STX8: variants seen among roughly 807,000 people sequenced by gnomAD.
STX8 encodes the protein syntaxin 8.
STX8 carries 23 observed loss-of-function variants against 37.5 expected under a neutral mutation model. The ratio of observed to expected loss-of-function variants is 0.61; its 90% confidence interval spans 0.44 to 0.87. The LOEUF is 0.87. Among genes scored for constraint, STX8 ranks in the 40% least tolerant of loss-of-function variants. The probability of loss-of-function intolerance (pLI) is 0.00; values close to 1 mark genes in which losing one functional copy is unlikely to be tolerated. For missense variants in STX8, 313 were observed against 284.7 expected, an observed-to-expected ratio of 1.10 and a Z score of -0.71; for synonymous variants, 115 against 99.1, an observed-to-expected ratio of 1.16 and a Z score of -0.95.
chr17:9,436,228 C>T (rs1407777992), intron 6 of STX8, among the ~76,000 whole-genome samples: 1 of 151,758 alleles, frequency 6.6e-6, no homozygotes, highest in African/African-American at 2.4e-5. Context: ...GCCTGTAGTC[C>T]CAGCTACTTG....
intron 7 of STX8, among the ~76,000 whole-genome samples, chr17:9,324,126 TCACACACACA>T (rs35942102): frequency 8.8e-4 from 120 of 135,600 alleles, no homozygotes; most frequent in Middle Eastern, 3.6e-3. Context: ...TCTCTCTCTC[TCACACACACA>T]CACACACACA....
At chr17:9,283,941 T>A (rs1031994368) in intron 7 of STX8, among the ~76,000 whole-genome samples, 1 of 152,226 alleles carries the variant, frequency 6.6e-6, no homozygotes, top group Non-Finnish European at 1.5e-5. Context: ...GTGGTGTATT[T>A]CCTCGGGAGA....
At chr17:9,320,567 C>G (rs1909542925) in intron 7 of STX8, among the ~76,000 whole-genome samples, 1 of 151,758 alleles carries the variant, frequency 6.6e-6, no homozygotes, top group East Asian at 1.9e-4. Context: ...TGGCTCTTAA[C>G]TTCTGGAACC....
intron 7 of STX8, among the ~76,000 whole-genome samples, chr17:9,253,250 CTT>C (rs1252984378): frequency 1.4e-5 from 1 of 69,600 alleles, no homozygotes; most frequent in Non-Finnish European, 3.8e-5. Flanking sequence ...GTGTGAATAT[CTT>C]AGTCCATCTG....
intron 7 of STX8, chr17:9,378,192 A>G (rs189592646): frequency 5.9e-5 from 11 of 186,412 alleles, no homozygotes; most frequent in Admixed American, 3.4e-4. Context: ...TTTGAACTCA[A>G]TTAAGCTTGT....
chr17:9,371,464 GC>G (rs1911399057), intron 7 of STX8, among the ~76,000 whole-genome samples: 1 of 152,126 alleles, frequency 6.6e-6, no homozygotes, highest in African/African-American at 2.4e-5. Context: ...ATATAAAACA[GC>G]CAATGTGGCT....
chr17:9,368,201 A>G (rs1408739422), intron 7 of STX8, among the ~76,000 whole-genome samples: 1 of 152,166 alleles, frequency 6.6e-6, no homozygotes, highest in Admixed American at 6.5e-5. Context: ...TATTCTGAAG[A>G]CATAGAAAGA....
intron 7 of STX8, among the ~76,000 whole-genome samples, chr17:9,314,112 C>T (rs561588758): frequency 2.0e-5 from 3 of 152,162 alleles, no homozygotes; most frequent in Non-Finnish European, 4.4e-5. Flanking sequence ...GATCTACTGA[C>T]TTCTGTATTT....
intron 6 of STX8, among the ~76,000 whole-genome samples, chr17:9,401,561 G>A (rs1056700069): frequency 5.3e-5 from 8 of 152,164 alleles, no homozygotes; most frequent in South Asian, 2.1e-4. Context: ...AGGAGAAGAC[G>A]GGTCTCTGGA....
chr17:9,309,174 T>C (rs1597596791), intron 7 of STX8, among the ~76,000 whole-genome samples: 1 of 152,284 alleles, frequency 6.6e-6, no homozygotes, highest in East Asian at 1.9e-4. Context: ...GCAAAACTGT[T>C]AGTCCTATCT....
intron 4 of STX8, among the ~76,000 whole-genome samples, chr17:9,519,301 T>G (rs16958408): frequency 0.55 from 83,208 of 151,984 alleles, 24,388 homozygotes; most frequent in East Asian, 0.82. Context: ...ATAAGCTGCT[T>G]CTTCTCGTAC....
At chr17:9,433,351 C>T (rs1445083857) in intron 6 of STX8, among the ~76,000 whole-genome samples, 1 of 152,198 alleles carries the variant, frequency 6.6e-6, no homozygotes, top group African/African-American at 2.4e-5. Context: ...ATAGCTTTGT[C>T]GTGAGCACTT....
At chr17:9,403,443 A>G (rs9916775) in intron 6 of STX8, among the ~76,000 whole-genome samples, 88,770 of 152,054 alleles carry the variant, frequency 0.58, 26,646 homozygotes, top group East Asian at 0.78. Flanking sequence ...GTGCGATGGC[A>G]TAAGTAGGAA....
At chr17:9,360,580 A>G (rs1421264727) in intron 7 of STX8, among the ~76,000 whole-genome samples, 2 of 151,590 alleles carry the variant, frequency 1.3e-5, no homozygotes, top group African/African-American at 4.8e-5. Context: ...TTCCTTCCAG[A>G]TAAGTTATAC....
chr17:9,532,316 C>G (rs961181187), intron 4 of STX8, among the ~76,000 whole-genome samples: 5 of 152,200 alleles, frequency 3.3e-5, no homozygotes, highest in African/African-American at 1.2e-4. Context: ...TTTAAGCCTT[C>G]TACTTCGTCA....
intron 6 of STX8, among the ~76,000 whole-genome samples, chr17:9,410,438 T>C (rs1912941724): frequency 6.6e-6 from 1 of 152,222 alleles, no homozygotes; most frequent in African/African-American, 2.4e-5. Context: ...TCGGCATTTC[T>C]CTTCCATTAC....
rs185596679 is a variant in STX8, at chr17:9,364,444, T to G, written c.643+14108A>C. 3.5e-4 allele frequency among the ~76,000 whole-genome samples: 54 copies of G among 152,234 alleles called. No homozygotes were observed. In the East Asian group the frequency reaches 3.7e-3, roughly 10 times the overall value. ...AAGAAGACATGTTTAAAAATAATAA[T>G]AAGAACAACTTAAGAAGAGGGACCT... On this transcript the variant is annotated intron_variant, in intron 7 of 7. Transcript: ENST00000306357.
At chr17:9,508,142 A>G (rs1262312712) in intron 4 of STX8, among the ~76,000 whole-genome samples, 1 of 152,204 alleles carries the variant, frequency 6.6e-6, no homozygotes, top group Non-Finnish European at 1.5e-5. Context: ...AGTGAGATAC[A>G]AGATAATAGA....
rs1350284764 is a variant in STX8 at position 9,568,404 on chromosome 17, AT to A, written c.83del (p.Asn28IlefsTer15). ...QEIAEKIQQR[N>X]QYERKGEKAP... The stretch of plus-strand genomic sequence containing the variant: ...CCTTTTCACCTTTTCTTTCATATTG[AT>A]TTCGTTGTTGAATTTTCTCAGCAAT... On this transcript the variant is annotated frameshift_variant, in exon 2 of 8. Coordinates refer to ENST00000306357, the MANE Select transcript of STX8 (RefSeq NM_004853.3). LOFTEE classifies it high-confidence loss of function. The A allele has an allele frequency of 6.2e-7, 1 of 1,612,388 alleles. No homozygotes were observed. The highest frequency in any genetic ancestry group is 8.5e-7 in the Non-Finnish European group (1 of 1,179,760).
Sources: gnomAD v4.1 joint callset for allele counts (sites outside exome capture counted in the v4.1 genomes callset) on GRCh38, gnomAD v4.1.1 for gene constraint, MANE v1.5 for transcripts, NCBI Gene and HGNC (gene_info 2026-07-23, HGNC 2026-07-21) for gene names.